Variants in ABTB3 observed in about 807,000 individuals in gnomAD.
ABTB3 encodes ankyrin repeat- and BTB/POZ domain-containing protein 3.
chr12:107,433,404 G>T, the ABTB3 span, among the ~76,000 whole-genome samples: 1 of 150,062 alleles, frequency 6.7e-6, no homozygotes, highest in Non-Finnish European at 1.5e-5. Flanking sequence ...ATTTGGAATT[G>T]TAATTACCCA....
chr12:107,534,947 G>A, the ABTB3 span, among the ~76,000 whole-genome samples: 8 of 152,066 alleles, frequency 5.3e-5, no homozygotes, highest in Admixed American at 2.6e-4. Context: ...ATTCTACAAT[G>A]CCAATATTAT....
chr12:107,635,147 C>T, the ABTB3 span: 1 of 683,196 alleles, frequency 1.5e-6, no homozygotes, highest in East Asian at 2.7e-5. Context: ...GACTTCTGTG[C>T]TACCCCAGGG....
the ABTB3 span, among the ~76,000 whole-genome samples, chr12:107,424,121 G>A: frequency 2.0e-5 from 3 of 152,194 alleles, no homozygotes; most frequent in Admixed American, 1.3e-4. Flanking sequence ...CTTAAGTGGT[G>A]TGAAAAACAA....
the ABTB3 span, among the ~76,000 whole-genome samples, chr12:107,402,212 A>G: frequency 1.3e-5 from 2 of 152,192 alleles, no homozygotes; most frequent in Non-Finnish European, 2.9e-5. Flanking sequence ...CAGAGAGGTT[A>G]AATCACTTAC....
chr12:107,326,738 T>G, the ABTB3 span, among the ~76,000 whole-genome samples: 1 of 152,224 alleles, frequency 6.6e-6, no homozygotes, highest in Non-Finnish European at 1.5e-5. Flanking sequence ...TCTGCCACTC[T>G]GCATTCATAT....
At chr12:107,394,569 T>C in the ABTB3 span, among the ~76,000 whole-genome samples, 2 of 152,214 alleles carry the variant, frequency 1.3e-5, no homozygotes, top group Non-Finnish European at 2.9e-5. Flanking sequence ...GCCTGACTCT[T>C]AGGAGTATGG....
chr12:107,607,563 C>G, the ABTB3 span, among the ~76,000 whole-genome samples: 2 of 152,178 alleles, frequency 1.3e-5, no homozygotes, highest in African/African-American at 4.8e-5. Flanking sequence ...TCCCAGGGCT[C>G]TCCTGCAAAT....
the ABTB3 span, among the ~76,000 whole-genome samples, chr12:107,426,512 C>T: frequency 1.3e-5 from 2 of 152,194 alleles, no homozygotes; most frequent in South Asian, 2.1e-4. Context: ...CAACCCGACT[C>T]CTCTCCCCTT....
the ABTB3 span, chr12:107,640,262 T>C: frequency 1.8e-6 from 2 of 1,087,618 alleles, no homozygotes; most frequent in African/African-American, 3.1e-5. Flanking sequence ...AATCTAAACT[T>C]CATCCTTTTT....
At chr12:107,575,823 G>T in the ABTB3 span, among the ~76,000 whole-genome samples, 633 of 152,322 alleles carry the variant, frequency 4.2e-3, 3 homozygotes, top group African/African-American at 0.015. Context: ...AGTTAAGGCA[G>T]CTTTCACAGG....
chr12:107,579,274 G>C, the ABTB3 span, among the ~76,000 whole-genome samples: 1 of 152,188 alleles, frequency 6.6e-6, no homozygotes, highest in Non-Finnish European at 1.5e-5. Flanking sequence ...AGCTCCCCTG[G>C]GGTGACAGGT....
the ABTB3 span, chr12:107,520,503 A>G: frequency 1.2e-6 from 2 of 1,614,138 alleles, no homozygotes; most frequent in South Asian, 1.1e-5. Context: ...TGTGCCTACC[A>G]GACAGCCTGA....
chr12:107,375,096 G>T, the ABTB3 span, among the ~76,000 whole-genome samples: 15 of 152,136 alleles, frequency 9.9e-5, no homozygotes, highest in Admixed American at 1.3e-4. Context: ...AAACACTAAG[G>T]TGTTAAGTGT....
At chr12:107,451,637 C>A in the ABTB3 span, among the ~76,000 whole-genome samples, 1 of 152,110 alleles carries the variant, frequency 6.6e-6, no homozygotes, top group Non-Finnish European at 1.5e-5. Context: ...CCTGGTTCCC[C>A]ACCTGTGTCC....
At chr12:107,394,039 A>G in the ABTB3 span, among the ~76,000 whole-genome samples, 1 of 152,218 alleles carries the variant, frequency 6.6e-6, no homozygotes, top group Non-Finnish European at 1.5e-5. Context: ...ACCCATGACC[A>G]CTAACTCCAA....
At chr12:107,432,237 C>T in the ABTB3 span, among the ~76,000 whole-genome samples, 1 of 152,066 alleles carries the variant, frequency 6.6e-6, no homozygotes, top group Admixed American at 6.5e-5. Flanking sequence ...CAGTGGAAAG[C>T]CCTAAAGGTC....
At chr12:107,493,828 C>T in the ABTB3 span, among the ~76,000 whole-genome samples, 4 of 152,038 alleles carry the variant, frequency 2.6e-5, no homozygotes, top group Admixed American at 2.0e-4. Context: ...CCAGGAAATG[C>T]GAAGCATTGC....
chr12:107,321,006 G>A, the ABTB3 span, among the ~76,000 whole-genome samples: 1 of 152,220 alleles, frequency 6.6e-6, no homozygotes, highest in East Asian at 1.9e-4. Flanking sequence ...TGGGGCCGGG[G>A]CGCTTGTTTT....
At chr12:107,544,041 C>G in the ABTB3 span, 1 of 1,613,952 alleles carries the variant, frequency 6.2e-7, no homozygotes, top group Non-Finnish European at 8.5e-7. Context: ...ACTGGGAGCC[C>G]GAGGCCCTGT....
Sources: allele counts gnomAD v4.1 joint callset (sites outside exome capture counted in the v4.1 genomes callset), GRCh38; gene constraint gnomAD v4.1.1; transcripts MANE v1.5; gene names NCBI Gene and HGNC (gene_info 2026-07-23, HGNC 2026-07-21).